The following PHEX variants were observed in gnomAD, a reference collection of about 807,000 sequenced individuals.
The protein encoded by PHEX is phosphate regulating endopeptidase X-linked.
PHEX carries 16 observed loss-of-function variants against 68.0 expected under a neutral mutation model. The ratio of observed to expected loss-of-function variants is 0.24; its 90% confidence interval spans 0.16 to 0.36. PHEX has a LOEUF of 0.36. PHEX is among the 10% of genes least tolerant of loss of function. PHEX has a pLI of 1.00. For missense variants in PHEX, 480 were observed against 575.5 expected (o/e 0.83, Z 1.70); for synonymous variants, 208 against 205.1 (o/e 1.01, Z -0.12).
At chrX:22,224,958 A>AGT (rs1935408373) in intron 18 of PHEX, among the ~76,000 whole-genome samples, 4 of 113,925 alleles carry the variant, frequency 3.5e-5, no homozygotes, top group African/African-American at 1.3e-4. Context: ...ATTATCATAC[A>AGT]GCGCTGTATG....
intron 11 of PHEX, among the ~76,000 whole-genome samples, chrX:22,127,734 G>A (rs1931796690): frequency 2.7e-5 from 3 of 110,378 alleles, no homozygotes; most frequent in Admixed American, 9.7e-5. Flanking sequence ...CCTGAGGTGG[G>A]GGATGGTGTG....
At chrX:22,228,105 G>C (rs769717800) in intron 20 of PHEX, among the ~76,000 whole-genome samples, 1 of 112,046 alleles carries the variant, frequency 8.9e-6, no homozygotes, top group South Asian at 3.7e-4. Flanking sequence ...GGCAAGGAGA[G>C]TCATGTCACT....
intron 12 of PHEX, among the ~76,000 whole-genome samples, chrX:22,165,502 G>A (rs1602351318): frequency 9.0e-6 from 1 of 111,231 alleles, no homozygotes; most frequent in Admixed American, 9.6e-5. Context: ...AGGCAGAGGC[G>A]GAGGCGGAGG....
intron 6 of PHEX, among the ~76,000 whole-genome samples, chrX:22,092,723 T>C (rs1452118183): frequency 9.3e-6 from 1 of 107,051 alleles, no homozygotes; most frequent in Non-Finnish European, 1.9e-5. Flanking sequence ...TATTTCTATT[T>C]AAGACTTCTT....
Position 22,062,852 on chromosome X carries a change from C to T in PHEX, c.350-13536C>T, listed in dbSNP as rs190276250. ...CTCGGCTCACTGCAACCTCTGCCTC[C>T]CAGGTTCAAGCGATTCTCGTCCCTC... On this transcript the variant is annotated intron_variant, in intron 3 of 21. Coordinates refer to ENST00000379374, the MANE Select transcript of PHEX (RefSeq NM_000444.6). Among the ~76,000 whole-genome samples, 4 of 108,706 alleles carry T rather than the reference C, an allele frequency of 3.7e-5. No individual in the cohort carries two copies. The East Asian group carries it at 1.2e-3, about 31-fold the overall frequency. 94.4% of individuals were successfully genotyped at this position (108,706 alleles called of 115,157 possible).
At chrX:22,193,341 G>A (rs189241255) in intron 15 of PHEX, among the ~76,000 whole-genome samples, 2,681 of 110,993 alleles carry the variant, frequency 0.024, 79 homozygotes, top group African/African-American at 0.082. Flanking sequence ...AAAACATGAC[G>A]AAATTAATAT....
At chrX:22,234,744 C>T (rs759226873) in intron 20 of PHEX, among the ~76,000 whole-genome samples, 1 of 109,260 alleles carries the variant, frequency 9.2e-6, no homozygotes, top group East Asian at 2.9e-4. Context: ...CCACTTGGCT[C>T]CCTGGCTTTA....
In PHEX at chrX:22,206,830, G is replaced by A. The variant is rs763880120; in HGVS notation, c.1646-6074G>A. Among the ~76,000 whole-genome samples, 9 of 111,082 alleles carry A rather than the reference G, an allele frequency of 8.1e-5. 1 individual carries two copies. The South Asian group carries it at 3.4e-3, about 42-fold the overall frequency. On this transcript the variant is annotated intron_variant, in intron 15 of 21. Coordinates refer to ENST00000379374, the MANE Select transcript of PHEX (RefSeq NM_000444.6). ...AGCTGTGGAATAATGTGCTAAATTT[G>A]TTTTCTTCTCTATACTTGTTTGTAC... is the stretch of plus-strand genomic sequence containing the variant.
At chrX:22,210,465 G>A (rs1934884320) in intron 15 of PHEX, among the ~76,000 whole-genome samples, 1 of 111,876 alleles carries the variant, frequency 8.9e-6, no homozygotes, top group African/African-American at 3.2e-5. Context: ...AATCACATTG[G>A]TTTATGATCA....
chrX:22,190,591 A>T, intron 15 of PHEX, 89 bp downstream of exon 15: 1 of 661,132 alleles, frequency 1.5e-6, no homozygotes, highest in Non-Finnish European at 2.5e-6. Context: ...GACATTTCTT[A>T]TTTCCCCCAA....
intron 14 of PHEX, among the ~76,000 whole-genome samples, chrX:22,182,812 A>C (rs1933920746): frequency 1.8e-5 from 2 of 111,921 alleles, no homozygotes; most frequent in African/African-American, 6.5e-5. Context: ...CCTTTTTCTG[A>C]CAAAACTAAG....
chrX:22,044,755 AG>A lies in PHEX; in HGVS notation c.188-2294del, dbSNP rs1468007639. ...ATAAATAAATAATAAAAAATAAAAA[AG>A]TAGCAGTAATTAAAAATGTAATTAG... is the stretch of plus-strand genomic sequence containing the variant. On this transcript the variant is annotated intron_variant, in intron 2 of 21. Coordinates refer to ENST00000379374, the MANE Select transcript of PHEX (RefSeq NM_000444.6). Among the ~76,000 whole-genome samples, 5 of 111,060 alleles carry A rather than the reference AG, an allele frequency of 4.5e-5. No homozygotes were observed. The East Asian group carries it at 1.1e-3, about 25-fold the overall frequency.
intron 15 of PHEX, among the ~76,000 whole-genome samples, chrX:22,207,901 G>A (rs1304921402): frequency 3.6e-5 from 4 of 110,106 alleles, no homozygotes; most frequent in Non-Finnish European, 7.6e-5. Flanking sequence ...TTTTTATTTA[G>A]TGTACTTTAA....
intron 15 of PHEX, among the ~76,000 whole-genome samples, chrX:22,198,086 T>C (rs1254790210): frequency 9.9e-6 from 1 of 101,170 alleles, no homozygotes; most frequent in Non-Finnish European, 2.0e-5. Context: ...TATCTAATAT[T>C]AATATACATT....
In PHEX at chrX:22,239,435, A is replaced by G. The variant is rs1480954960; in HGVS notation, c.2071-5898A>G. ...GGCTTCAGAAGGCGGGTGACAACAG[A>G]CTCCTCCGAGGTAAAGGAGCATGTT... On this transcript the variant is annotated intron_variant, in intron 20 of 21. Transcript: ENST00000379374. Among the ~76,000 whole-genome samples the G allele has an allele frequency of 1.8e-5, 2 of 110,705 alleles. 1 individual carries two copies. The highest frequency in any genetic ancestry group is 3.8e-5 in the Non-Finnish European group (2 of 52,998).
chrX:22,193,581 T>G (rs939736866), intron 15 of PHEX, among the ~76,000 whole-genome samples: 2 of 112,192 alleles, frequency 1.8e-5, no homozygotes, highest in African/African-American at 6.5e-5. Flanking sequence ...TCAGTCAACA[T>G]GTTTTTAGGA....
At chrX:22,098,795 CAAAAAAAA>C (rs746223770) in intron 8 of PHEX, among the ~76,000 whole-genome samples, 3 of 11,374 alleles carry the variant, frequency 2.6e-4, no homozygotes, top group Non-Finnish European at 4.0e-4. Context: ...GAGAATGTCT[CAAAAAAAA>C]AAAAAAAAAA....
In PHEX at chrX:22,047,119, A is replaced by T. The variant is rs752781848; in HGVS notation, c.257A>T (p.Asp86Val). 8.3e-7 allele frequency: 1 copy of T among 1,205,375 alleles called. No homozygotes were observed. The change falls in exon 3 of 22, where the codon GAT (aspartate) becomes GTT (valine). Residue 86 changes from aspartate to valine, a missense_variant. Asp to Val is a radical substitution (Grantham distance 152). Transcript: ENST00000379374. Reference sequence around the variant, plus strand: ...GATAATTTCTTCCGGTTCGCTTGTGATGGCTGGATAAGCAATAATCCAATT... The same window carrying T: ...GATAATTTCTTCCGGTTCGCTTGTGTTGGCTGGATAAGCAATAATCCAATT... ...PCDNFFRFAC[D>V]GWISNNPIPE...
In PHEX at chrX:22,113,605, G is replaced by A. The variant is rs139861800; in HGVS notation, c.1174-853G>A. Among the ~76,000 whole-genome samples the A allele has an allele frequency of 9.0e-4, 100 of 111,688 alleles. 1 individual carries two copies. In the Middle Eastern group the frequency reaches 0.019, roughly 21 times the overall value. ...ACATCTGTATTTTGCTTGTTTATCA[G>A]TGTGTTTTTTGCTGTGACACAATGT... On this transcript the variant is annotated intron_variant, in intron 10 of 21. Coordinates refer to ENST00000379374, the MANE Select transcript of PHEX (RefSeq NM_000444.6).
Sources: allele counts gnomAD v4.1 joint callset (sites outside exome capture counted in the v4.1 genomes callset), GRCh38; gene constraint gnomAD v4.1.1; transcripts MANE v1.5; gene names NCBI Gene and HGNC (gene_info 2026-07-23, HGNC 2026-07-21).